The following TIMELESS variants were observed in gnomAD, a reference collection of about 807,000 sequenced individuals.
The protein encoded by TIMELESS is timeless circadian regulator.
TIMELESS carries 124 observed loss-of-function variants against 164.3 expected under a neutral mutation model. That is an observed-to-expected ratio of 0.75 (90% CI 0.65 to 0.88). TIMELESS has a LOEUF of 0.88. TIMELESS is among the 40% of genes least tolerant of loss of function. The pLI, the probability that TIMELESS is intolerant of heterozygous loss-of-function variation, is 0.00. For missense variants in TIMELESS, 1,422 were observed against 1,491.4 expected (o/e 0.95, Z 0.77); for synonymous variants, 564 against 563.4 (o/e 1.00, Z -0.02).
At chr12:56,429,172 G>T in intron 10 of TIMELESS, 72 bp from the exon 11 acceptor site, 1 of 1,374,052 alleles carries the variant, frequency 7.3e-7, no homozygotes, top group East Asian at 2.4e-5. Flanking sequence ...CCTGTCCTAT[G>T]ATGATGGAAT....
At chr12:56,425,608 C>G (rs1404337424) in intron 13 of TIMELESS, among the ~76,000 whole-genome samples, 2 of 152,188 alleles carry the variant, frequency 1.3e-5, no homozygotes, top group African/African-American at 4.8e-5. Flanking sequence ...GGCGCAGTGG[C>G]TCACACCTGT....
rs546522790 is a variant in TIMELESS, at chr12:56,430,406, C to T, written c.910-125G>A. The T allele has an allele frequency of 1.5e-5, 17 of 1,171,956 alleles. No homozygotes were observed. In the African/African-American group the frequency reaches 2.2e-4, roughly 15 times the overall value. The allele number at this position is 1,171,956 out of a possible 1,614,324, so 72.6% of individuals were successfully genotyped here. Reference sequence around the variant, plus strand: ...TTTGAGACAAGAACTTGCTCTGTCACCCAGGCTGGAGTGTAATGATGCAAT... The same window carrying T: ...TTTGAGACAAGAACTTGCTCTGTCATCCAGGCTGGAGTGTAATGATGCAAT... On this transcript the variant is annotated intron_variant, in intron 9 of 28. Transcript: ENST00000553532.
chr12:56,448,566 A>AAAAAATAC (rs1868434243), intron 1 of TIMELESS, among the ~76,000 whole-genome samples: 1 of 145,902 alleles, frequency 6.9e-6, no homozygotes, highest in Non-Finnish European at 1.5e-5. Context: ...TCTCTACTAA[A>AAAAAATAC]AAAAATACAA....
intron 1 of TIMELESS, among the ~76,000 whole-genome samples, chr12:56,435,877 T>C (rs1592253894): frequency 6.8e-6 from 1 of 147,458 alleles, no homozygotes; most frequent in South Asian, 2.1e-4. Context: ...GAGAATGGAG[T>C]GAACCCGAGA....
chr12:56,420,029 A>AAAAAAATATAT (rs1555176447), intron 26 of TIMELESS, among the ~76,000 whole-genome samples: 1 of 75,192 alleles, frequency 1.3e-5, no homozygotes, highest in Non-Finnish European at 2.2e-5. Context: ...AAAAAAAAAA[A>AAAAAAATATAT]ATATATATAT....
chr12:56,428,356 A>T lies in TIMELESS; in HGVS notation c.1458T>A (p.Phe486Leu). The change falls in exon 13 of 29, where the codon TTT becomes TTA. Residue 486 changes from phenylalanine (F) to leucine (L), a missense_variant. Phe to Leu is a conservative substitution (Grantham distance 22). Coordinates refer to ENST00000553532, the MANE Select transcript of TIMELESS (RefSeq NM_003920.5). ...GCTGGCATCTCTCATCAAACTTTCG[A>T]AAAAGTGCCAGGAATAGTTCTCGGT... ...MEYRELFLAL[F>L]RKFDERCQPR... 6.2e-7 allele frequency: 1 copy of T among 1,613,302 alleles called. No homozygotes were observed. Among genetic ancestry groups the T allele is most frequent in the Non-Finnish European group, 8.5e-7 (1 of 1,179,328 alleles).
At chr12:56,432,328 A>G (rs752529195) in intron 7 of TIMELESS, 41 bp downstream of exon 7, 1 of 1,585,858 alleles carries the variant, frequency 6.3e-7, no homozygotes, top group African/African-American at 1.3e-5. Flanking sequence ...GCAGAAAAGT[A>G]CATGGGCGGA....
Position 56,423,228 on chromosome 12 carries a change from G to A in TIMELESS, c.2292+46C>T, listed in dbSNP as rs757233362. On this transcript the variant is annotated intron_variant, in intron 18 of 28. Coordinates refer to ENST00000553532, the MANE Select transcript of TIMELESS (RefSeq NM_003920.5). ...TCCTGAAGATTATTTATTTACCTGA[G>A]GGTTCCCATACCCTTCCAGAACCCC... 11 of 1,600,154 alleles carry A rather than the reference G, an allele frequency of 6.9e-6. No homozygotes were observed. In the East Asian group the frequency reaches 1.6e-4, roughly 23 times the overall value.
At chr12:56,422,813 A>AACC in intron 19 of TIMELESS, 34 bp downstream of exon 19, 3 of 1,357,048 alleles carry the variant, frequency 2.2e-6, no homozygotes, top group Non-Finnish European at 3.1e-6. Context: ...AACTTCCCCT[A>AACC]CCCCCACCCA....
In TIMELESS at chr12:56,418,026, G is replaced by A. The variant is rs754380231; in HGVS notation, c.3455-18C>T. 6 of 1,613,986 alleles carry A rather than the reference G, an allele frequency of 3.7e-6. No individual in the cohort carries two copies. In the East Asian group the frequency reaches 1.1e-4, roughly 30 times the overall value. ...GTCTTCCTCTGCAATGACCATAAAT[G>A]ACACAAAATTAGGAACTCGGTCCTC... On this transcript the variant is annotated intron_variant, in intron 27 of 28. Transcript: ENST00000553532.
chr12:56,440,127 A>G (rs1012849327), intron 1 of TIMELESS, among the ~76,000 whole-genome samples: 7 of 143,910 alleles, frequency 4.9e-5, no homozygotes, highest in Non-Finnish European at 7.4e-5. Context: ...TGCAATTCAA[A>G]TTAACCTTTT....
At position 56,428,242 on chromosome 12, in the gene TIMELESS, C is replaced by G. The variant is rs758085347; in HGVS notation, c.1572G>C (p.Val524=). ...ERFCRSRGNL[V]VQNKQKKRRK... ...TTGTGGGGCTGCCCAGTACCTGCAC[C>G]ACCAGGTTCCCACGGCTCCGACAGA... Residue 524 remains valine, a synonymous_variant, in exon 13 of 29, where the codon GTG becomes GTC. Coordinates refer to ENST00000553532, the MANE Select transcript of TIMELESS (RefSeq NM_003920.5). 1.3e-6 allele frequency: 2 copies of G among 1,598,834 alleles called. No homozygotes were observed. Among genetic ancestry groups the G allele is most frequent in the South Asian group, 1.1e-5 (1 of 89,642 alleles).
In TIMELESS at chr12:56,417,722, A is replaced by C; in HGVS notation, c.3621T>G (p.Asp1207Glu). Residue 1207 changes from aspartate to glutamate, a missense_variant, in exon 29 of 29, where the codon GAT becomes GAG. Asp to Glu is a conservative substitution (Grantham distance 45, BLOSUM62 2). Transcript: ENST00000553532. ...CCCTAGGCTTCTTAGCTCTTCAGTCATCCTCATCATCCTCAATCTGGTATC... is the reference window on the plus strand; with the variant it reads ...CCCTAGGCTTCTTAGCTCTTCAGTCCTCCTCATCATCCTCAATCTGGTATC... ...KKRYQIEDDEDD is the reference protein window; with the variant it reads ...KKRYQIEDDEED 6.2e-7 allele frequency: 1 copy of C among 1,614,112 alleles called. No homozygotes were observed. The highest frequency in any genetic ancestry group is 8.5e-7 in the Non-Finnish European group (1 of 1,180,024).
At chr12:56,432,164 T>G (rs1378547309) in intron 7 of TIMELESS, among the ~76,000 whole-genome samples, 1 of 152,174 alleles carries the variant, frequency 6.6e-6, no homozygotes, top group African/African-American at 2.4e-5. Flanking sequence ...CCACTTAATA[T>G]TTTCAGACCA....
chr12:56,424,554 A>AT (rs1565681151), intron 15 of TIMELESS, among the ~76,000 whole-genome samples: 2 of 152,112 alleles, frequency 1.3e-5, no homozygotes, highest in Admixed American at 6.6e-5. Context: ...TGCTTTCTTT[A>AT]TTTTTTTCTC....
In TIMELESS at chr12:56,421,445, G is replaced by A. The variant is rs1881484058; in HGVS notation, c.2774C>T (p.Ala925Val). The A allele has an allele frequency of 6.2e-7, 1 of 1,613,958 alleles. No individual in the cohort carries two copies. The highest frequency in any genetic ancestry group is 1.7e-5 in the Admixed American group (1 of 59,988). Reference protein sequence around the residue: ...MKNITAKRSRARIVDKLLALG... With the variant: ...MKNITAKRSRVRIVDKLLALG... Reference sequence around the variant, plus strand: ...AGCCAAGAGTTTATCCACTATTCGGGCCCGTGAGCGTTTGGCTGTGATATT... The same window carrying A: ...AGCCAAGAGTTTATCCACTATTCGGACCCGTGAGCGTTTGGCTGTGATATT... Residue 925 changes from alanine (A) to valine (V), a missense_variant, in exon 23 of 29, where the codon GCC (alanine) becomes GTC (valine). By Grantham distance (64) the Ala-to-Val change is moderately conservative. Coordinates refer to ENST00000553532, the MANE Select transcript of TIMELESS (RefSeq NM_003920.5).
At chr12:56,430,806 G>T in intron 9 of TIMELESS, 75 bp downstream of exon 9, 2 of 1,027,232 alleles carry the variant, frequency 1.9e-6, no homozygotes, top group Non-Finnish European at 2.8e-6. Flanking sequence ...GCACAGCCAA[G>T]AACTCTTAAG....
At chr12:56,445,422 CAAAAAAAAAAAA>C (rs71081360) in intron 1 of TIMELESS, among the ~76,000 whole-genome samples, 899 of 18,712 alleles carry the variant, frequency 0.048, 9 homozygotes, top group South Asian at 0.12. Context: ...AACTCCACGT[CAAAAAAAAAAAA>C]AAAAAAAAAA....
chr12:56,418,572 CTTT>C (rs372018339), intron 26 of TIMELESS, among the ~76,000 whole-genome samples: 6 of 126,772 alleles, frequency 4.7e-5, no homozygotes, highest in Admixed American at 8.0e-5. Context: ...TTTGGTTGTT[CTTT>C]TTTTTTTTTT....
Sources: allele counts gnomAD v4.1 joint callset (sites outside exome capture counted in the v4.1 genomes callset), GRCh38; gene constraint gnomAD v4.1.1; transcripts MANE v1.5; gene names NCBI Gene and HGNC (gene_info 2026-07-23, HGNC 2026-07-21).